FAM227B: variants seen among roughly 807,000 people sequenced by gnomAD.
The protein encoded by FAM227B is family with sequence similarity 227 member B.
A neutral mutation model predicts 73.8 loss-of-function variants in FAM227B; 88 were observed. That is an observed-to-expected ratio of 1.19 (90% CI 1.00 to 1.42). The LOEUF (loss-of-function observed/expected upper bound fraction) is 1.42, where lower values mean the gene tolerates loss of function less well. FAM227B is among the 40% of genes most tolerant of loss of function. FAM227B has a pLI of 0.00. For synonymous variants in FAM227B, 210 were observed against 190.5 expected (o/e 1.10, Z -0.84); for missense variants, 632 against 590.9 (o/e 1.07, Z -0.72).
At chr15:49,420,532 C>T (rs1005417258) in intron 11 of FAM227B, among the ~76,000 whole-genome samples, 1 of 151,476 alleles carries the variant, frequency 6.6e-6, no homozygotes, top group Non-Finnish European at 1.5e-5. Flanking sequence ...ACAAGCATAG[C>T]GAAACTCTGA....
At chr15:49,574,372 G>A (rs563113471) in intron 8 of FAM227B, among the ~76,000 whole-genome samples, 5 of 152,292 alleles carry the variant, frequency 3.3e-5, no homozygotes, top group South Asian at 2.1e-4. Context: ...GAGGGACTGG[G>A]AGGGAGGTGA....
intron 11 of FAM227B, among the ~76,000 whole-genome samples, chr15:49,446,551 G>C (rs2052232933): frequency 6.6e-6 from 1 of 151,404 alleles, no homozygotes; most frequent in Non-Finnish European, 1.5e-5. Context: ...AGGTGCATTT[G>C]CTTGAAGGAA....
intron 11 of FAM227B, among the ~76,000 whole-genome samples, chr15:49,388,055 C>T (rs1236652171): frequency 1.3e-5 from 2 of 151,768 alleles, no homozygotes; most frequent in Admixed American, 6.6e-5. Context: ...GATCATACTG[C>T]CCAAAGGAAT....
intron 11 of FAM227B, among the ~76,000 whole-genome samples, chr15:49,406,484 G>A (rs1214484059): frequency 6.6e-6 from 1 of 152,004 alleles, no homozygotes; most frequent in African/African-American, 2.4e-5. Flanking sequence ...ACTGCAGGCA[G>A]GCGTGATCAC....
intron 9 of FAM227B, among the ~76,000 whole-genome samples, chr15:49,556,629 A>C (rs2073722508): frequency 6.6e-6 from 1 of 152,130 alleles, no homozygotes; most frequent in East Asian, 2.0e-4. Flanking sequence ...GCCATACTGC[A>C]AGCAACCATG....
At position 49,501,278 on chromosome 15, in the gene FAM227B, T is replaced by G. The variant is rs2058109451; in HGVS notation, c.1012+6933A>C. ...AGTTCAGAACTTCTTGGAAACTAGT[T>G]AAATGGTTGTGGTCAAAATGCTGAT... On this transcript the variant is annotated intron_variant, in intron 11 of 15. Coordinates refer to ENST00000299338, the MANE Select transcript of FAM227B (RefSeq NM_152647.3). Among the ~76,000 whole-genome samples the G allele has an allele frequency of 3.9e-5, 6 of 152,122 alleles. No individual in the cohort carries two copies. In the South Asian group the frequency reaches 1.2e-3, roughly 31 times the overall value.
intron 11 of FAM227B, among the ~76,000 whole-genome samples, chr15:49,374,632 C>T (rs553727503): frequency 6.6e-6 from 1 of 152,186 alleles, no homozygotes; most frequent in Non-Finnish European, 1.5e-5. Flanking sequence ...TAGGCTCCGC[C>T]TCCCAGGTTC....
intron 9 of FAM227B, among the ~76,000 whole-genome samples, chr15:49,567,126 T>C (rs1004256497): frequency 3.9e-5 from 6 of 152,152 alleles, no homozygotes; most frequent in Admixed American, 1.3e-4. Context: ...ATAAAAGCCA[T>C]AGAAGAATAG....
rs116038542 is a variant in FAM227B, at chr15:49,431,224, G to A, written c.1013-59825C>T. The stretch of plus-strand genomic sequence containing the variant: ...AACATTTTTACCCCTCAAATAGGTT[G>A]TAAATGAAAATCCTCTGCCTTCCAC... On this transcript the variant is annotated intron_variant, in intron 11 of 15. Coordinates refer to ENST00000299338, the MANE Select transcript of FAM227B (RefSeq NM_152647.3). Among the ~76,000 whole-genome samples the A allele has an allele frequency of 2.2e-3, 338 of 151,872 alleles. 3 individuals are homozygous for A. The highest frequency in any genetic ancestry group is 7.9e-3 in the African/African-American group (327 of 41,484).
At chr15:49,560,354 A>G (rs1373205891) in intron 9 of FAM227B, among the ~76,000 whole-genome samples, 1 of 152,192 alleles carries the variant, frequency 6.6e-6, no homozygotes, top group Non-Finnish European at 1.5e-5. Context: ...AAAATGAACA[A>G]AGTATCAAAA....
chr15:49,489,877 TATATATAGAGAG>T (rs1195173212), intron 11 of FAM227B, among the ~76,000 whole-genome samples: 1 of 17,558 alleles, frequency 5.7e-5, no homozygotes, highest in African/African-American at 1.4e-4. Context: ...TATATATATA[TATATATAGAGAG>T]AGAGAGAGAG....
Position 49,617,777 on chromosome 15 carries a change from TG to T in FAM227B, c.-72-2535del, listed in dbSNP as rs1201341055. ...GCAGGGCTATGCTCCTTTCATGTTT[TG>T]TGTGTGTGTGTGTGTGTGTGTGTGT... On this transcript the variant is annotated intron_variant, in intron 1 of 15. Transcript: ENST00000299338. Among the ~76,000 whole-genome samples, 410 of 50,084 alleles carry T rather than the reference TG, an allele frequency of 8.2e-3. 3 individuals are homozygous for T. Among genetic ancestry groups the T allele is most frequent in the African/African-American group, 0.026 (395 of 15,262 alleles). 32.9% of individuals were successfully genotyped at this position (50,084 alleles called of 152,430 possible). A position where few individuals can be genotyped will look rare whatever the true frequency, so the allele number is the denominator to read the frequency against.
chr15:49,479,340 C>G (rs1465782281), intron 11 of FAM227B, among the ~76,000 whole-genome samples: 1 of 151,920 alleles, frequency 6.6e-6, no homozygotes, highest in African/African-American at 2.4e-5. Context: ...TGCTTTAAAT[C>G]TTTGGAAATA....
intron 11 of FAM227B, among the ~76,000 whole-genome samples, chr15:49,415,428 T>C (rs2049146287): frequency 6.6e-6 from 1 of 152,148 alleles, no homozygotes; most frequent in Non-Finnish European, 1.5e-5. Context: ...GGAAATTGAT[T>C]GTTTCCTAAA....
intron 2 of FAM227B, among the ~76,000 whole-genome samples, chr15:49,613,312 C>A (rs552185571): frequency 6.6e-6 from 1 of 152,122 alleles, no homozygotes; most frequent in African/African-American, 2.4e-5. Flanking sequence ...GTCAACAGTA[C>A]AAGAGACCAG....
intron 11 of FAM227B, among the ~76,000 whole-genome samples, chr15:49,416,441 A>G (rs1323349852): frequency 2.0e-5 from 3 of 152,094 alleles, no homozygotes; most frequent in Non-Finnish European, 4.4e-5. Context: ...TGTAGTAGAA[A>G]TATGTCTTGG....
chr15:49,437,846 T>C (rs1305268285), intron 11 of FAM227B, among the ~76,000 whole-genome samples: 2 of 151,550 alleles, frequency 1.3e-5, no homozygotes, highest in Admixed American at 6.6e-5. Context: ...GTAAGTACTG[T>C]GAAAAAGGTA....
At chr15:49,519,552 C>T (rs2059632486) in intron 10 of FAM227B, among the ~76,000 whole-genome samples, 1 of 152,182 alleles carries the variant, frequency 6.6e-6, no homozygotes, top group South Asian at 2.1e-4. Flanking sequence ...TCAGGCTCAA[C>T]ACCATGTGTA....
chr15:49,366,245 T>G (rs117132237), intron 13 of FAM227B: 16 of 785,710 alleles, frequency 2.0e-5, no homozygotes, highest in African/African-American at 8.4e-5. Context: ...CTGCTTCATA[T>G]CTATAAAGTC....
Sources: allele counts gnomAD v4.1 joint callset (sites outside exome capture counted in the v4.1 genomes callset), GRCh38; gene constraint gnomAD v4.1.1; transcripts MANE v1.5; gene names NCBI Gene and HGNC (gene_info 2026-07-23, HGNC 2026-07-21).